Variants in ILRUN observed in about 807,000 individuals in gnomAD.
The protein encoded by ILRUN is protein ILRUN.
Under a neutral mutation model 33.8 loss-of-function variants are expected in ILRUN, and 3 were observed. The ratio of observed to expected loss-of-function variants is 0.09; its 90% confidence interval spans 0.04 to 0.23. ILRUN has a LOEUF of 0.23. ILRUN is among the 10% of genes least tolerant of loss of function. The pLI, the probability that ILRUN is intolerant of heterozygous loss-of-function variation, is 1.00. For synonymous variants in ILRUN, 124 were observed against 138.9 expected (o/e 0.89, Z 0.75); for missense variants, 210 against 375.1 (o/e 0.56, Z 3.64).
intron 1 of ILRUN, among the ~76,000 whole-genome samples, chr6:34,695,023 C>G (rs1189283781): frequency 6.8e-6 from 1 of 147,308 alleles, no homozygotes; most frequent in Non-Finnish European, 1.5e-5. Flanking sequence ...TGCACTCCAG[C>G]CTGAGCGACA....
chr6:34,590,396 G>A lies in ILRUN; in HGVS notation c.*169C>T, dbSNP rs941200000. 1.1e-5 allele frequency: 9 copies of A among 838,560 alleles called. No individual in the cohort carries two copies. The highest frequency in any genetic ancestry group is 1.4e-5 in the Non-Finnish European group (8 of 561,960). 51.9% of individuals were successfully genotyped at this position (838,560 alleles called of 1,614,324 possible). ...TTCAGCATTCACACATGCATACTGA[G>A]TTTACTCAAAACTAGTCTGTTCTGC... On this transcript the variant is annotated 3_prime_UTR_variant, in exon 5 of 5. Transcript: ENST00000374023.
chr6:34,688,240 A>G (rs1243158764), intron 1 of ILRUN, among the ~76,000 whole-genome samples: 2 of 152,014 alleles, frequency 1.3e-5, no homozygotes, highest in African/African-American at 4.8e-5. Context: ...TCCTGTCTGT[A>G]CAAAAAGCAC....
intron 3 of ILRUN, among the ~76,000 whole-genome samples, chr6:34,645,554 T>C (rs1454230646): frequency 6.6e-6 from 1 of 152,094 alleles, no homozygotes; most frequent in Non-Finnish European, 1.5e-5. Context: ...TTATTTTTTG[T>C]AGAGACAGGG....
intron 2 of ILRUN, among the ~76,000 whole-genome samples, chr6:34,653,154 A>G (rs138213124): frequency 6.9e-6 from 1 of 144,472 alleles, no homozygotes; most frequent in East Asian, 1.9e-4. Context: ...AAAAAAAAGA[A>G]AAAGAAAGAA....
chr6:34,655,937 A>C (rs543528430), intron 1 of ILRUN, among the ~76,000 whole-genome samples: 16 of 152,206 alleles, frequency 1.1e-4, no homozygotes, highest in African/African-American at 3.9e-4. Context: ...TTACAGGTTT[A>C]AGAGCCATTT....
chr6:34,681,913 T>G (rs183304487), intron 1 of ILRUN, among the ~76,000 whole-genome samples: 2 of 144,358 alleles, frequency 1.4e-5, no homozygotes, highest in East Asian at 2.1e-4. Flanking sequence ...AGTGCAGTGC[T>G]GCGACCTCAG....
At chr6:34,596,475 G>A (rs1761402617) in intron 4 of ILRUN, among the ~76,000 whole-genome samples, 1 of 152,078 alleles carries the variant, frequency 6.6e-6, no homozygotes, top group Non-Finnish European at 1.5e-5. Flanking sequence ...ATCATGCCCA[G>A]GTAGTTTTTG....
At chr6:34,694,767 T>A (rs1416143751) in intron 1 of ILRUN, among the ~76,000 whole-genome samples, 1 of 150,270 alleles carries the variant, frequency 6.7e-6, no homozygotes, top group Non-Finnish European at 1.5e-5. Context: ...AAAAAAAAAA[T>A]GGCGGGGCAT....
chr6:34,691,135 G>A (rs894291680), intron 1 of ILRUN, among the ~76,000 whole-genome samples: 4 of 151,850 alleles, frequency 2.6e-5, no homozygotes, highest in African/African-American at 4.8e-5. Flanking sequence ...TGATCCGTCC[G>A]CCTCGGCCTC....
At chr6:34,595,988 G>C (rs1582029535) in intron 4 of ILRUN, 1 of 902,048 alleles carries the variant, frequency 1.1e-6, no homozygotes, top group Non-Finnish European at 1.3e-6. Flanking sequence ...TTAGTACTAA[G>C]TCCTGTCCTG....
At chr6:34,667,420 CAAT>C (rs1763027122) in intron 1 of ILRUN, among the ~76,000 whole-genome samples, 2 of 152,108 alleles carry the variant, frequency 1.3e-5, no homozygotes, top group South Asian at 4.1e-4. Context: ...GAATGCCAAA[CAAT>C]AAATGAAGAT....
chr6:34,635,778 A>G (rs776800290), intron 3 of ILRUN, among the ~76,000 whole-genome samples: 3 of 152,016 alleles, frequency 2.0e-5, no homozygotes, highest in Admixed American at 6.6e-5. Context: ...ACCTGCCATC[A>G]TGCTCAGCTA....
chr6:34,690,612 A>T (rs1200602771), intron 1 of ILRUN, among the ~76,000 whole-genome samples: 1 of 152,128 alleles, frequency 6.6e-6, no homozygotes, highest in African/African-American at 2.4e-5. Flanking sequence ...AGACTACATT[A>T]AAAAATATGA....
At chr6:34,595,711 C>A in intron 4 of ILRUN, 1 of 965,742 alleles carries the variant, frequency 1.0e-6, no homozygotes, top group Non-Finnish European at 1.2e-6. Flanking sequence ...AGGACTTTCA[C>A]ATACCTGTCT....
intron 1 of ILRUN, among the ~76,000 whole-genome samples, chr6:34,684,668 A>ACAGGAT (rs1262197621): frequency 5.3e-5 from 8 of 152,206 alleles, no homozygotes; most frequent in African/African-American, 1.9e-4. Flanking sequence ...ACTGCTAAGA[A>ACAGGAT]CAGGATCAGT....
At chr6:34,619,165 G>T (rs1761959395) in intron 3 of ILRUN, among the ~76,000 whole-genome samples, 1 of 152,154 alleles carries the variant, frequency 6.6e-6, no homozygotes, top group Admixed American at 6.5e-5. Flanking sequence ...CATTTGCGAA[G>T]AAGTTTTGCT....
chr6:34,640,935 C>T (rs1034473377), intron 3 of ILRUN, among the ~76,000 whole-genome samples: 3 of 151,474 alleles, frequency 2.0e-5, no homozygotes, highest in Non-Finnish European at 2.9e-5. Flanking sequence ...AAAAATTAGC[C>T]GGGCATGGTG....
chr6:34,618,706 T>C (rs1761949636), intron 3 of ILRUN, among the ~76,000 whole-genome samples: 1 of 152,142 alleles, frequency 6.6e-6, no homozygotes, highest in Admixed American at 6.5e-5. Flanking sequence ...TTCCTCCCCC[T>C]CATTCCAGCT....
chr6:34,631,350 CAG>C (rs1762241009), intron 3 of ILRUN, among the ~76,000 whole-genome samples: 2 of 149,160 alleles, frequency 1.3e-5, no homozygotes, highest in Admixed American at 1.3e-4. Context: ...TTTTTTAAGA[CAG>C]GGACTCACTC....
Sources: allele counts gnomAD v4.1 joint callset (sites outside exome capture counted in the v4.1 genomes callset), GRCh38; gene constraint gnomAD v4.1.1; transcripts MANE v1.5; gene names NCBI Gene and HGNC (gene_info 2026-07-23, HGNC 2026-07-21).